ARHGAP15: variants seen among roughly 807,000 people sequenced by gnomAD.
The protein encoded by ARHGAP15 is Rho GTPase activating protein 15.
Under a neutral mutation model 63.7 loss-of-function variants are expected in ARHGAP15, and 51 were observed. The observed-to-expected ratio is 0.80, with a 90% CI of 0.64 to 1.01. The LOEUF (loss-of-function observed/expected upper bound fraction) is 1.01, where lower values mean the gene tolerates loss of function less well. Among genes scored for constraint, ARHGAP15 ranks in the 50% least tolerant of loss-of-function variants. The pLI is 0.00. For missense variants in ARHGAP15, 560 were observed against 564.6 expected (o/e 0.99, Z 0.08); for synonymous variants, 191 against 193.8 (o/e 0.99, Z 0.12).
At chr2:143,208,927 G>T (rs1317766718) in intron 3 of ARHGAP15, among the ~76,000 whole-genome samples, 1 of 152,156 alleles carries the variant, frequency 6.6e-6, no homozygotes, top group Non-Finnish European at 1.5e-5. Context: ...TACCTCCTGA[G>T]CTAGGAGGAT....
At chr2:143,302,688 TA>T (rs1458266496) in intron 6 of ARHGAP15, among the ~76,000 whole-genome samples, 3 of 152,018 alleles carry the variant, frequency 2.0e-5, no homozygotes, top group African/African-American at 7.2e-5. Context: ...ATTAGAAAGC[TA>T]AACTAATATA....
chr2:143,277,281 A>G (rs1045793047), intron 6 of ARHGAP15, among the ~76,000 whole-genome samples: 4 of 151,904 alleles, frequency 2.6e-5, no homozygotes, highest in Non-Finnish European at 4.4e-5. Flanking sequence ...GGGCAGTTTC[A>G]TTACGTATCA....
intron 1 of ARHGAP15, among the ~76,000 whole-genome samples, chr2:143,143,458 T>G (rs1222132030): frequency 1.3e-5 from 2 of 152,080 alleles, no homozygotes; most frequent in Non-Finnish European, 2.9e-5. Context: ...TTTCACTATT[T>G]TGATCATCTG....
chr2:143,629,815 G>A lies in ARHGAP15; in HGVS notation c.1138+5548G>A, dbSNP rs2105252221. Among the ~76,000 whole-genome samples the A allele has an allele frequency of 1.3e-5, 2 of 152,266 alleles. 1 individual carries two copies. Among genetic ancestry groups the A allele is most frequent in the African/African-American group, 4.8e-5 (2 of 41,564 alleles). On this transcript the variant is annotated intron_variant, in intron 12 of 13. Transcript: ENST00000295095. Reference sequence around the variant, plus strand: ...TGCACAATAATTTCTAGCTCATAAAGTAGTTACTATGAGAATGAGAATAGA... The same window carrying A: ...TGCACAATAATTTCTAGCTCATAAAATAGTTACTATGAGAATGAGAATAGA...
chr2:143,143,259 T>A (rs1689443569), intron 1 of ARHGAP15, among the ~76,000 whole-genome samples: 2 of 152,064 alleles, frequency 1.3e-5, no homozygotes, highest in African/African-American at 2.4e-5. Flanking sequence ...GGCAGTTGAA[T>A]CACTTCAAGA....
intron 13 of ARHGAP15, among the ~76,000 whole-genome samples, chr2:143,750,393 A>G (rs948112024): frequency 6.6e-6 from 1 of 152,228 alleles, no homozygotes; most frequent in African/African-American, 2.4e-5. Flanking sequence ...GTGAGCCGGG[A>G]CAGTGCCATT....
intron 11 of ARHGAP15, among the ~76,000 whole-genome samples, chr2:143,576,463 G>GA (rs928086232): frequency 5.3e-5 from 8 of 151,978 alleles, no homozygotes; most frequent in African/African-American, 1.9e-4. Flanking sequence ...TATTTAAAAA[G>GA]AAAAAACCAA....
Position 143,621,325 on chromosome 2 carries a change from T to C in ARHGAP15, c.1004-2808T>C, listed in dbSNP as rs528677647. 2.6e-5 allele frequency among the ~76,000 whole-genome samples: 4 copies of C among 152,270 alleles called. No homozygotes were observed. The South Asian group carries it at 8.3e-4, about 32-fold the overall frequency. On this transcript the variant is annotated intron_variant, in intron 11 of 13. Transcript: ENST00000295095. ...GTAGAATCTAGTTAGAAAATGCTTA[T>C]CAAATAATGCAAATATATTTGTAAT...
chr2:143,285,463 A>G (rs1420524690), intron 6 of ARHGAP15, among the ~76,000 whole-genome samples: 1 of 152,188 alleles, frequency 6.6e-6, no homozygotes, highest in African/African-American at 2.4e-5. Context: ...TTATTTTCCA[A>G]TATCTTTACC....
intron 12 of ARHGAP15, among the ~76,000 whole-genome samples, chr2:143,673,454 C>T (rs1032982888): frequency 2.6e-5 from 4 of 151,746 alleles, no homozygotes; most frequent in Non-Finnish European, 5.9e-5. Flanking sequence ...TGTGCCACCA[C>T]GCCCAGCCAA....
chr2:143,578,659 A>G (rs1696771141), intron 11 of ARHGAP15, among the ~76,000 whole-genome samples: 1 of 152,126 alleles, frequency 6.6e-6, no homozygotes, highest in African/African-American at 2.4e-5. Context: ...ATAAGAGAAA[A>G]CTGTTTACTG....
At chr2:143,763,028 T>A (rs1307637445) in intron 13 of ARHGAP15, among the ~76,000 whole-genome samples, 1 of 152,150 alleles carries the variant, frequency 6.6e-6, no homozygotes, top group Non-Finnish European at 1.5e-5. Context: ...TATTATTCCA[T>A]GAAAGCCTTT....
intron 3 of ARHGAP15, among the ~76,000 whole-genome samples, chr2:143,209,306 T>A (rs1692477676): frequency 6.6e-6 from 1 of 152,160 alleles, no homozygotes. Context: ...ATAAGTTATA[T>A]AATTTAATAA....
At chr2:143,388,831 C>G (rs1297043384) in intron 6 of ARHGAP15, among the ~76,000 whole-genome samples, 1 of 152,036 alleles carries the variant, frequency 6.6e-6, no homozygotes, top group South Asian at 2.1e-4. Context: ...AGGCCAGTGC[C>G]ATTTTGTAAA....
chr2:143,677,994 GCCCAGGA>G (rs1682911190), intron 12 of ARHGAP15, among the ~76,000 whole-genome samples: 1 of 152,176 alleles, frequency 6.6e-6, no homozygotes. Context: ...GATCACTTGA[GCCCAGGA>G]GTCCAAGACC....
intron 10 of ARHGAP15, among the ~76,000 whole-genome samples, chr2:143,522,836 C>G (rs1310095638): frequency 6.6e-6 from 1 of 152,114 alleles, no homozygotes; most frequent in African/African-American, 2.4e-5. Flanking sequence ...TAGATACAAG[C>G]AGTGAGAAGT....
intron 6 of ARHGAP15, among the ~76,000 whole-genome samples, chr2:143,352,478 G>T (rs1204236558): frequency 2.0e-5 from 3 of 151,968 alleles, no homozygotes; most frequent in African/African-American, 7.3e-5. Context: ...CATTTTTTTA[G>T]ACTAGTATTT....
At chr2:143,153,837 TTCTTCTTCCTCC>T (rs1689954052) in intron 1 of ARHGAP15, among the ~76,000 whole-genome samples, 1 of 72,200 alleles carries the variant, frequency 1.4e-5, no homozygotes. Flanking sequence ...CTTCTTCTTC[TTCTTCTTCCTCC>T]TCCTCCTCCT....
chr2:143,677,291 T>A (rs1183474956), intron 12 of ARHGAP15, among the ~76,000 whole-genome samples: 1 of 152,232 alleles, frequency 6.6e-6, no homozygotes, highest in Non-Finnish European at 1.5e-5. Context: ...ATCTGTTAAC[T>A]GAACCATGAA....
Sources: allele counts gnomAD v4.1 joint callset (sites outside exome capture counted in the v4.1 genomes callset), GRCh38; gene constraint gnomAD v4.1.1; transcripts MANE v1.5; gene names NCBI Gene and HGNC (gene_info 2026-07-23, HGNC 2026-07-21).